MAGI1: variants seen among roughly 807,000 people sequenced by gnomAD.
The protein encoded by MAGI1 is membrane-associated guanylate kinase, WW and PDZ domain-containing protein 1.
Under a neutral mutation model 139.9 loss-of-function variants are expected in MAGI1, and 58 were observed. That is an observed-to-expected ratio of 0.41 (90% CI 0.34 to 0.52). The LOEUF (loss-of-function observed/expected upper bound fraction) is 0.52, where lower values mean the gene tolerates loss of function less well. MAGI1 is among the 20% of genes least tolerant of loss of function. The pLI is 0.12. For synonymous variants in MAGI1, 812 were observed against 737.9 expected (o/e 1.10, Z -1.63); for missense variants, 1,874 against 1,901.6 (o/e 0.99, Z 0.27).
In MAGI1 at chr3:65,723,672, A is replaced by G. The variant is rs377504698; in HGVS notation, c.314-101584T>C. Among the ~76,000 whole-genome samples the G allele has an allele frequency of 5.3e-5, 8 of 152,352 alleles. No individual in the cohort carries two copies. The East Asian group carries it at 1.5e-3, about 29-fold the overall frequency. On this transcript the variant is annotated intron_variant, in intron 1 of 22. Transcript: ENST00000402939. ...ATAAACTGGGATCTGTGTTTCCTCT[A>G]CACATATGCTCCTCTTAAACAGTAC...
intron 1 of MAGI1, among the ~76,000 whole-genome samples, chr3:65,961,055 C>T (rs1457126149): frequency 2.0e-5 from 3 of 152,214 alleles, no homozygotes; most frequent in African/African-American, 4.8e-5. Flanking sequence ...AGAAAACTTG[C>T]TTTCAACTAA....
intron 13 of MAGI1, among the ~76,000 whole-genome samples, chr3:65,399,348 T>G (rs913614094): frequency 6.6e-6 from 1 of 152,158 alleles, no homozygotes; most frequent in Non-Finnish European, 1.5e-5. Context: ...AAATTCAAAC[T>G]GGGAAAGGGA....
chr3:65,530,796 TATATATATACACAC>T (rs1322336062), intron 2 of MAGI1, among the ~76,000 whole-genome samples: 2 of 89,290 alleles, frequency 2.2e-5, no homozygotes, highest in East Asian at 5.2e-4. Context: ...TACACGTATA[TATATATATACACAC>T]ATATATATAC....
At chr3:65,363,870 G>A (rs1941134103) in intron 20 of MAGI1, among the ~76,000 whole-genome samples, 1 of 152,120 alleles carries the variant, frequency 6.6e-6, no homozygotes, top group Non-Finnish European at 1.5e-5. Flanking sequence ...TTGCATTTGG[G>A]GAAGGACAAT....
intron 1 of MAGI1, among the ~76,000 whole-genome samples, chr3:65,668,367 T>A (rs781120115): frequency 6.6e-6 from 1 of 152,148 alleles, no homozygotes. Flanking sequence ...CTCAGAGACA[T>A]CAGTCATCCC....
At chr3:65,804,462 T>G (rs2040714625) in intron 1 of MAGI1, among the ~76,000 whole-genome samples, 1 of 151,796 alleles carries the variant, frequency 6.6e-6, no homozygotes, top group Non-Finnish European at 1.5e-5. Flanking sequence ...TATATCAATA[T>G]GTTATACTGA....
At chr3:65,837,346 C>T (rs2042870191) in intron 1 of MAGI1, among the ~76,000 whole-genome samples, 1 of 152,194 alleles carries the variant, frequency 6.6e-6, no homozygotes, top group African/African-American at 2.4e-5. Flanking sequence ...GCTGCCACAC[C>T]TGCTGACGGA....
At chr3:65,926,500 T>A (rs1232866143) in intron 1 of MAGI1, among the ~76,000 whole-genome samples, 2 of 151,938 alleles carry the variant, frequency 1.3e-5, no homozygotes, top group East Asian at 3.9e-4. Context: ...GCATTCTTAG[T>A]CACAGGATGA....
chr3:65,614,082 A>C (rs1385096888), intron 2 of MAGI1, among the ~76,000 whole-genome samples: 4 of 152,274 alleles, frequency 2.6e-5, no homozygotes, highest in African/African-American at 9.6e-5. Context: ...CAAGCCAACA[A>C]AACTGGTAAG....
At chr3:65,571,845 T>C (rs1158415715) in intron 2 of MAGI1, among the ~76,000 whole-genome samples, 1 of 152,022 alleles carries the variant, frequency 6.6e-6, no homozygotes, top group Non-Finnish European at 1.5e-5. Flanking sequence ...TGACCAAAAA[T>C]AGCTATAAGA....
At chr3:65,805,042 C>T (rs1299514125) in intron 1 of MAGI1, among the ~76,000 whole-genome samples, 1 of 152,040 alleles carries the variant, frequency 6.6e-6, no homozygotes, top group Admixed American at 6.6e-5. Flanking sequence ...GATTTCATGA[C>T]AAAAACATCA....
chr3:65,654,813 T>A (rs1177965581), intron 1 of MAGI1, among the ~76,000 whole-genome samples: 2 of 152,192 alleles, frequency 1.3e-5, no homozygotes, highest in Non-Finnish European at 2.9e-5. Flanking sequence ...AACTGCCCAC[T>A]GCATTTCTTT....
intron 2 of MAGI1, among the ~76,000 whole-genome samples, chr3:65,613,571 T>C (rs2083225589): frequency 6.6e-6 from 1 of 152,190 alleles, no homozygotes; most frequent in Admixed American, 6.6e-5. Context: ...GTAATTTTTT[T>C]CCCATTTTTT....
intron 2 of MAGI1, among the ~76,000 whole-genome samples, chr3:65,518,922 G>GGTAGAA (rs910864007): frequency 6.6e-5 from 10 of 152,244 alleles, no homozygotes; most frequent in Non-Finnish European, 1.3e-4. Flanking sequence ...AATTTTCAAT[G>GGTAGAA]GTAGAAGTAG....
rs11361856 is a variant in MAGI1 at position 66,015,179 on chromosome 3, C to CA, written c.313+22816dup. ...GCAATACAGTGAGACCCTGTCTCTA[C>CA]AAAAAAAAAAAAAAAAAATCTAAAA... is the stretch of plus-strand genomic sequence containing the variant. On this transcript the variant is annotated intron_variant, in intron 1 of 22. Transcript: ENST00000402939. Among the ~76,000 whole-genome samples, 102 of 97,968 alleles carry CA rather than the reference C, an allele frequency of 1.0e-3. 1 individual carries two copies. The highest frequency in any genetic ancestry group is 2.2e-3 in the Admixed American group (20 of 9,138). The allele number at this position is 97,968 out of a possible 152,430, so 64.3% of individuals were successfully genotyped here.
Position 65,430,001 on chromosome 3 carries a change from T to C in MAGI1, c.1686A>G (p.Pro562=), listed in dbSNP as rs1424357411. ...TCACTAAACTTGTATTGGGGTCATCTGGATCAAAAGGCAATGGATAACCTC... is the reference window on the plus strand; with the variant it reads ...TCACTAAACTTGTATTGGGGTCATCCGGATCAAAAGGCAATGGATAACCTC... ...LCRGYPLPFD[P]DDPNTSLVTS... is the part of the protein sequence containing the mutation. The change falls in exon 12 of 23, where the codon CCA becomes CCG. Residue 562 remains proline (P), a synonymous_variant. Coordinates refer to ENST00000402939, the MANE Select transcript of MAGI1 (RefSeq NM_001033057.2). 2.5e-6 allele frequency: 4 copies of C among 1,613,976 alleles called. No individual in the cohort carries two copies. Among genetic ancestry groups the C allele is most frequent in the Non-Finnish European group, 2.5e-6 (3 of 1,179,936 alleles).
At chr3:65,974,290 G>C (rs966082852) in intron 1 of MAGI1, among the ~76,000 whole-genome samples, 2 of 149,782 alleles carry the variant, frequency 1.3e-5, no homozygotes, top group African/African-American at 4.9e-5. Context: ...TAAAGAGTGA[G>C]CAAATGGGAG....
intron 2 of MAGI1, among the ~76,000 whole-genome samples, chr3:65,552,316 A>G (rs1236081401): frequency 6.6e-6 from 1 of 151,958 alleles, no homozygotes; most frequent in Non-Finnish European, 1.5e-5. Context: ...CAACATGAAC[A>G]TCTAATTATG....
chr3:65,966,913 G>A (rs1310944141), intron 1 of MAGI1, among the ~76,000 whole-genome samples: 1 of 152,090 alleles, frequency 6.6e-6, no homozygotes, highest in Non-Finnish European at 1.5e-5. Context: ...ATACCAAATG[G>A]TTAATAGACA....
Sources: allele counts gnomAD v4.1 joint callset (sites outside exome capture counted in the v4.1 genomes callset), GRCh38; gene constraint gnomAD v4.1.1; transcripts MANE v1.5; gene names NCBI Gene and HGNC (gene_info 2026-07-23, HGNC 2026-07-21).